Variants in TIMP3 observed in about 807,000 individuals in gnomAD.
TIMP3 encodes metalloproteinase inhibitor 3.
TIMP3 carries 11 observed loss-of-function variants against 30.0 expected under a neutral mutation model. The ratio of observed to expected loss-of-function variants is 0.37; its 90% CI spans 0.23 to 0.61. TIMP3 has a LOEUF of 0.61. TIMP3 is among the 20% of genes least tolerant of loss of function. The probability of loss-of-function intolerance (pLI) is 0.70; values close to 1 mark genes in which losing one functional copy is unlikely to be tolerated. For synonymous variants in TIMP3, 112 were observed against 111.3 expected, an observed-to-expected ratio of 1.01 and a Z score of -0.04; for missense variants, 181 against 276.8, an observed-to-expected ratio of 0.65 and a Z score of 2.45.
At chr22:32,856,590 A>G (rs2048373927) in intron 2 of TIMP3, among the ~76,000 whole-genome samples, 1 of 152,236 alleles carries the variant, frequency 6.6e-6, no homozygotes, top group Non-Finnish European at 1.5e-5. Flanking sequence ...TGATATATTC[A>G]AAAATGTATA....
At chr22:32,845,365 G>T (rs1477872607) in intron 1 of TIMP3, among the ~76,000 whole-genome samples, 1 of 151,954 alleles carries the variant, frequency 6.6e-6, no homozygotes, top group African/African-American at 2.4e-5. Flanking sequence ...GCTAATTTTT[G>T]TATTTTAGTA....
In TIMP3 at chr22:32,837,509, G is replaced by A. The variant is rs2047769015; in HGVS notation, c.122-11943G>A. ...GGCGAAACCACTCCAAGAGGTGAAA[G>A]GGCTTGAGGGGAGACAGGGTACGGC... is the stretch of plus-strand genomic sequence containing the variant. On this transcript the variant is annotated intron_variant, in intron 1 of 4. Coordinates refer to ENST00000266085, the MANE Select transcript of TIMP3 (RefSeq NM_000362.5). This position sits in a 1 kb window ranked among gnomAD's most constrained non-coding sequence, Gnocchi z 4.1. 6.6e-6 allele frequency among the ~76,000 whole-genome samples: 1 copy of A among 152,198 alleles called. No individual in the cohort carries two copies. The highest frequency in any genetic ancestry group is 2.1e-4 in the South Asian group (1 of 4,830).
chr22:32,821,878 G>A (rs940008218), intron 1 of TIMP3, among the ~76,000 whole-genome samples: 3 of 152,194 alleles, frequency 2.0e-5, no homozygotes, highest in Non-Finnish European at 4.4e-5. Context: ...AGTTGAGGCC[G>A]AGCGCAGTGG....
chr22:32,838,147 C>G (rs2047788650), intron 1 of TIMP3, among the ~76,000 whole-genome samples: 1 of 152,204 alleles, frequency 6.6e-6, no homozygotes, highest in African/African-American at 2.4e-5. Context: ...CTGCTTATTA[C>G]TGAATCCCCA....
chr22:32,831,850 C>G (rs777358343), intron 1 of TIMP3, among the ~76,000 whole-genome samples: 1 of 152,072 alleles, frequency 6.6e-6, no homozygotes, highest in East Asian at 1.9e-4. Flanking sequence ...TCACTGCACC[C>G]CCCCCAACCT....
At chr22:32,843,571 G>A (rs968210830) in intron 1 of TIMP3, among the ~76,000 whole-genome samples, 2 of 152,170 alleles carry the variant, frequency 1.3e-5, no homozygotes, top group African/African-American at 2.4e-5. Flanking sequence ...AAATACACAC[G>A]AAGGGGCCGT....
chr22:32,859,876 A>G lies in TIMP3; in HGVS notation c.*499A>G, dbSNP rs2146300001. 5.7e-6 allele frequency: 1 copy of G among 175,916 alleles called. No individual in the cohort carries two copies. The highest frequency in any genetic ancestry group is 1.4e-4 in the South Asian group (1 of 7,258). The allele number at this position is 175,916 out of a possible 1,614,324, so 10.9% of individuals were successfully genotyped here. A position where few individuals can be genotyped will look rare whatever the true frequency, so the allele number is the denominator to read the frequency against. On this transcript the variant is annotated 3_prime_UTR_variant, in exon 5 of 5. Coordinates refer to ENST00000266085, the MANE Select transcript of TIMP3 (RefSeq NM_000362.5). ...TCAAAGGCAGCAAGCAGATAGACTC[A>G]AGGTGTGTGAAAGATGTTATACACC...
chr22:32,841,211 A>G (rs1379024990), intron 1 of TIMP3, among the ~76,000 whole-genome samples: 1 of 152,236 alleles, frequency 6.6e-6, no homozygotes, highest in Non-Finnish European at 1.5e-5. Flanking sequence ...GCAATAGGTA[A>G]AGCAAAGAAC....
intron 1 of TIMP3, among the ~76,000 whole-genome samples, chr22:32,834,209 G>A (rs566631714): frequency 6.6e-6 from 1 of 152,034 alleles, no homozygotes; most frequent in South Asian, 2.1e-4. Flanking sequence ...CTGGAGTGCA[G>A]TGGCACGATC....
intron 1 of TIMP3, among the ~76,000 whole-genome samples, chr22:32,825,036 G>T (rs1182130675): frequency 6.6e-6 from 1 of 152,180 alleles, no homozygotes; most frequent in African/African-American, 2.4e-5. Context: ...TGAAATCGCA[G>T]GCTGGGTCCA....
intron 1 of TIMP3, among the ~76,000 whole-genome samples, chr22:32,835,113 T>C (rs1450103949): frequency 6.6e-6 from 1 of 152,254 alleles, no homozygotes; most frequent in East Asian, 1.9e-4. Flanking sequence ...AGTCAGTTCA[T>C]GCAGCGGAAT....
At chr22:32,805,525 T>C (rs539026948) in intron 1 of TIMP3, among the ~76,000 whole-genome samples, 1 of 152,196 alleles carries the variant, frequency 6.6e-6, no homozygotes, top group African/African-American at 2.4e-5. Context: ...CTTGGAACCA[T>C]GGAAGGAGGA....
chr22:32,857,290 C>T lies in TIMP3; in HGVS notation c.246C>T (p.Ile82=), dbSNP rs1200390768. 3 of 1,614,074 alleles carry T rather than the reference C, an allele frequency of 1.9e-6. No individual in the cohort carries two copies. The highest frequency in any genetic ancestry group is 2.2e-5 in the East Asian group (1 of 44,870). Residue 82 remains isoleucine, a synonymous_variant, in exon 3 of 5, where the codon ATC becomes ATT. Coordinates refer to ENST00000266085, the MANE Select transcript of TIMP3 (RefSeq NM_000362.5). ...GFTKMPHVQY[I]HTEASESLCG... ...CCAAGATGCCCCATGTGCAGTACAT[C>T]CATACGGAAGCTTCCGAGAGTCTCT...
intron 1 of TIMP3, 140 bp from the exon 2 acceptor site, chr22:32,849,312 C>A: frequency 1.4e-6 from 1 of 719,544 alleles, no homozygotes; most frequent in Non-Finnish European, 2.5e-6. Context: ...CTCTTGTAAA[C>A]ACAATCATCT....
intron 1 of TIMP3, among the ~76,000 whole-genome samples, chr22:32,845,174 T>C (rs990438936): frequency 4.0e-5 from 6 of 150,536 alleles, no homozygotes; most frequent in Non-Finnish European, 8.9e-5. Flanking sequence ...GGTGCTTCTG[T>C]ACCTTGGAGA....
chr22:32,850,816 C>T (rs2048197216), intron 2 of TIMP3, among the ~76,000 whole-genome samples: 1 of 152,164 alleles, frequency 6.6e-6, no homozygotes, highest in Non-Finnish European at 1.5e-5. Flanking sequence ...CCTGGAAACT[C>T]CCCAGAGGAG....
chr22:32,859,482 C>A lies in TIMP3; in HGVS notation c.*105C>A, dbSNP rs577017044. 26 of 1,366,204 alleles carry A rather than the reference C, an allele frequency of 1.9e-5. No homozygotes were observed. In the East Asian group the frequency reaches 6.5e-4, roughly 34 times the overall value. 84.6% of individuals were successfully genotyped at this position (1,366,204 alleles called of 1,614,324 possible). A position where few individuals can be genotyped will look rare whatever the true frequency, so the allele number is the denominator to read the frequency against. On this transcript the variant is annotated 3_prime_UTR_variant, in exon 5 of 5. Transcript: ENST00000266085. ...AATGAAATTAGTGCCTGTTTTCTTG[C>A]AAATTTAGCACTTGGAACATTTAAA...
chr22:32,820,261 T>C (rs559717327), intron 1 of TIMP3, among the ~76,000 whole-genome samples: 307 of 147,784 alleles, frequency 2.1e-3, no homozygotes, highest in African/African-American at 7.1e-3. Context: ...TGTGTGTGTG[T>C]GCGTGCGCGT....
At chr22:32,812,272 G>C (rs965132109) in intron 1 of TIMP3, among the ~76,000 whole-genome samples, 1 of 152,174 alleles carries the variant, frequency 6.6e-6, no homozygotes, top group Non-Finnish European at 1.5e-5. Context: ...AGGTAACTTT[G>C]TTAGAAATAT....
Sources: gnomAD v4.1 joint callset for allele counts (sites outside exome capture counted in the v4.1 genomes callset) on GRCh38, gnomAD v4.1.1 for gene constraint, Gnocchi (gnomAD v3.1) non-coding constraint, MANE v1.5 for transcripts, NCBI Gene and HGNC (gene_info 2026-07-23, HGNC 2026-07-21) for gene names.